Variants in MRPS27 observed in about 807,000 individuals in gnomAD.
MRPS27 encodes mitochondrial ribosomal protein S27.
MRPS27 carries 43 observed loss-of-function variants against 48.9 expected under a neutral mutation model. The observed-to-expected ratio is 0.88, with a 90% CI of 0.69 to 1.13. The LOEUF (loss-of-function observed/expected upper bound fraction) is 1.13. Ranked by LOEUF, MRPS27 falls within the 50% of genes most tolerant of loss-of-function variation. The pLI is 0.00. For missense variants in MRPS27, 467 were observed against 476.3 expected (o/e 0.98, Z 0.18); for synonymous variants, 188 against 171.9 (o/e 1.09, Z -0.73).
At chr5:72,241,359 T>C (rs969210145) in intron 4 of MRPS27, 2 of 478,164 alleles carry the variant, frequency 4.2e-6, no homozygotes, top group Non-Finnish European at 3.7e-6. Context: ...CTTACACACA[T>C]ACTATAAAAT....
chr5:72,261,821 T>C (rs1004889948), intron 4 of MRPS27, among the ~76,000 whole-genome samples: 2 of 152,158 alleles, frequency 1.3e-5, no homozygotes, highest in African/African-American at 2.4e-5. Context: ...GTAAGGCAAA[T>C]ACAACATAGA....
chr5:72,314,115 T>C lies in MRPS27; in HGVS notation c.117A>G (p.Lys39=). The C allele has an allele frequency of 1.2e-6, 2 of 1,613,208 alleles. No homozygotes were observed. The highest frequency in any genetic ancestry group is 2.2e-5 in the South Asian group (2 of 90,986). ...AATGTTCTTTTTCTCTTGCTTCCCA[T>C]TTGTGGCTGTCTACATAGGCTGAAG... ...LLSSAYVDSH[K]WEAREKEHYC... Residue 39 remains lysine (K), a synonymous_variant, in exon 2 of 11, where the codon AAA becomes AAG. Coordinates refer to ENST00000261413, the MANE Select transcript of MRPS27 (RefSeq NM_015084.3).
rs1462593417 is a variant in MRPS27 at position 72,220,203 on chromosome 5, G to A, written c.*706C>T. The A allele has an allele frequency of 6.5e-6, 1 of 153,004 alleles. No homozygotes were observed. The highest frequency in any genetic ancestry group is 2.4e-5 in the African/African-American group (1 of 41,458). 9.5% of individuals were successfully genotyped at this position (153,004 alleles called of 1,614,324 possible). A position where few individuals can be genotyped will look rare whatever the true frequency, so the allele number is the denominator to read the frequency against. ...GTTCACCTTGGCCTCATGTACCTGG[G>A]CTGGGGAGAGGGAGACCATTCAAAA... On this transcript the variant is annotated 3_prime_UTR_variant, in exon 11 of 11. Coordinates refer to ENST00000261413, the MANE Select transcript of MRPS27 (RefSeq NM_015084.3).
chr5:72,283,941 T>C (rs1749597672), intron 4 of MRPS27, among the ~76,000 whole-genome samples: 1 of 152,152 alleles, frequency 6.6e-6, no homozygotes, highest in Non-Finnish European at 1.5e-5. Flanking sequence ...CTCTCTTTAT[T>C]TCCACTGTCT....
intron 4 of MRPS27, among the ~76,000 whole-genome samples, chr5:72,259,655 A>T (rs1313538680): frequency 6.6e-6 from 1 of 152,138 alleles, no homozygotes; most frequent in Non-Finnish European, 1.5e-5. Flanking sequence ...CAGAGCTGGT[A>T]TTCTGGTGTT....
At chr5:72,221,587 AC>A (rs1276971755) in intron 10 of MRPS27, among the ~76,000 whole-genome samples, 3 of 152,240 alleles carry the variant, frequency 2.0e-5, no homozygotes, top group African/African-American at 7.2e-5. Flanking sequence ...AGCAGCAAAC[AC>A]CAAAAATAAG....
At chr5:72,251,419 A>G (rs1479019134) in intron 4 of MRPS27, among the ~76,000 whole-genome samples, 1 of 152,200 alleles carries the variant, frequency 6.6e-6, no homozygotes, top group Non-Finnish European at 1.5e-5. Flanking sequence ...TATTTATGAC[A>G]GAAAAAGGTC....
chr5:72,254,862 G>C (rs1276512126), intron 4 of MRPS27, among the ~76,000 whole-genome samples: 1 of 151,946 alleles, frequency 6.6e-6, no homozygotes, highest in African/African-American at 2.4e-5. Context: ...GTTCTGTTGT[G>C]TGAAATGTTT....
intron 4 of MRPS27, among the ~76,000 whole-genome samples, chr5:72,238,542 T>C (rs1748266450): frequency 6.6e-6 from 1 of 152,194 alleles, no homozygotes; most frequent in Admixed American, 6.5e-5. Context: ...ACAGCAACTC[T>C]GTAGAGGAGA....
intron 4 of MRPS27, among the ~76,000 whole-genome samples, chr5:72,284,945 ATGAATATG>A (rs1291976262): frequency 2.0e-5 from 3 of 152,216 alleles, no homozygotes; most frequent in Non-Finnish European, 4.4e-5. Context: ...CATTTTTGGC[ATGAATATG>A]AGTGTATCAG....
intron 8 of MRPS27, chr5:72,227,986 C>A: frequency 2.3e-6 from 1 of 441,110 alleles, no homozygotes; most frequent in Non-Finnish European, 4.0e-6. Context: ...CCAGAACATC[C>A]CTTTCTTTAT....
At chr5:72,234,845 T>C (rs1748159583) in intron 5 of MRPS27, among the ~76,000 whole-genome samples, 8 of 152,110 alleles carry the variant, frequency 5.3e-5, no homozygotes, top group Admixed American at 5.2e-4. Flanking sequence ...AACCCTGAAT[T>C]TTTAGTGAGC....
intron 1 of MRPS27, among the ~76,000 whole-genome samples, chr5:72,319,520 A>T (rs568770705): frequency 3.3e-5 from 5 of 149,664 alleles, no homozygotes; most frequent in Non-Finnish European, 7.4e-5. Context: ...CCAGGAATGG[A>T]CACATTTAGG....
intron 4 of MRPS27, among the ~76,000 whole-genome samples, chr5:72,242,446 AC>A (rs1247625108): frequency 9.7e-5 from 14 of 143,736 alleles, no homozygotes; most frequent in Non-Finnish European, 1.2e-4. Flanking sequence ...AAAAAAAAAC[AC>A]CACAGACTGA....
intron 4 of MRPS27, among the ~76,000 whole-genome samples, chr5:72,284,500 A>AG (rs971946262): frequency 6.6e-6 from 1 of 151,862 alleles, no homozygotes; most frequent in Non-Finnish European, 1.5e-5. Context: ...GAAAAAGAGA[A>AG]GGGGGGAGGG....
At chr5:72,288,139 T>G (rs1308674309) in intron 4 of MRPS27, among the ~76,000 whole-genome samples, 1 of 151,784 alleles carries the variant, frequency 6.6e-6, no homozygotes, top group Non-Finnish European at 1.5e-5. Context: ...CTTCCTATGA[T>G]GAGGCTCCAG....
At chr5:72,250,737 A>G (rs1175244793) in intron 4 of MRPS27, among the ~76,000 whole-genome samples, 1 of 152,222 alleles carries the variant, frequency 6.6e-6, no homozygotes, top group African/African-American at 2.4e-5. Context: ...AACCAAACAC[A>G]GTAAAAATAT....
At chr5:72,298,574 C>T (rs1331971270) in intron 2 of MRPS27, among the ~76,000 whole-genome samples, 4 of 151,734 alleles carry the variant, frequency 2.6e-5, no homozygotes, top group African/African-American at 7.3e-5. Context: ...GGCGCGGTGG[C>T]GGGCGCCTGT....
chr5:72,284,704 T>C (rs1749624582), intron 4 of MRPS27, among the ~76,000 whole-genome samples: 1 of 152,156 alleles, frequency 6.6e-6, no homozygotes, highest in Non-Finnish European at 1.5e-5. Flanking sequence ...TATATACACA[T>C]AAGCATCAAA....
Sources: allele counts gnomAD v4.1 joint callset (sites outside exome capture counted in the v4.1 genomes callset), GRCh38; gene constraint gnomAD v4.1.1; transcripts MANE v1.5; gene names NCBI Gene and HGNC (gene_info 2026-07-23, HGNC 2026-07-21).